Variants in CHD6 observed in about 807,000 individuals in gnomAD.
CHD6 encodes the protein ATP-dependent chromatin remodeler CHD6.
Under a neutral mutation model 276.9 loss-of-function variants are expected in CHD6, and 50 were observed. The ratio of observed to expected loss-of-function variants is 0.18; its 90% CI spans 0.14 to 0.23. The LOEUF is 0.23. Ranked by LOEUF, CHD6 falls within the 10% of genes least tolerant of loss-of-function variation. The pLI, the probability that CHD6 is intolerant of heterozygous loss-of-function variation, is 1.00. For missense variants in CHD6, 2,564 were observed against 3,365.8 expected (o/e 0.76, Z 5.89); for synonymous variants, 1,173 against 1,229.3 (o/e 0.95, Z 0.96).
At chr20:41,463,539 T>C (rs1344625667) in intron 17 of CHD6, among the ~76,000 whole-genome samples, 1 of 152,218 alleles carries the variant, frequency 6.6e-6, no homozygotes, top group Non-Finnish European at 1.5e-5. Context: ...TTGAGATGGC[T>C]GTGTCAGTTC....
chr20:41,487,626 G>C (rs745329363), intron 14 of CHD6, 39 bp downstream of exon 14: 69 of 1,566,872 alleles, frequency 4.4e-5, no homozygotes, highest in Non-Finnish European at 5.4e-5. Flanking sequence ...TGAAGATAAC[G>C]ATCACACTGT....
chr20:41,603,656 A>G (rs1426412065), intron 1 of CHD6, among the ~76,000 whole-genome samples: 1 of 152,170 alleles, frequency 6.6e-6, no homozygotes, highest in Non-Finnish European at 1.5e-5. Context: ...GCCTGAGCTC[A>G]GGAGTTGGAG....
Position 41,493,630 on chromosome 20 carries a change from C to T in CHD6, c.1222G>A (p.Glu408Lys). 1 of 1,613,954 alleles carries T rather than the reference C, an allele frequency of 6.2e-7. No homozygotes were observed. The highest frequency in any genetic ancestry group is 8.5e-7 in the Non-Finnish European group (1 of 1,179,904). ...YLVKWCSLPY[E>K]ESTWELEEDV... Reference sequence around the variant, plus strand: ...TCCTCTAGCTCCCACGTGCTTTCTTCATATGGTAGTGAGCACCACTTCACC... The same window carrying T: ...TCCTCTAGCTCCCACGTGCTTTCTTTATATGGTAGTGAGCACCACTTCACC... Residue 408 changes from glutamate (E) to lysine (K), a missense_variant, in exon 10 of 37, where the codon GAA (glutamate) becomes AAA (lysine). Physicochemically the swap from Glu to Lys is moderately conservative, Grantham distance 56. This residue lies in a region of CHD6 where 457 missense variants were observed against 889.0 expected (regional missense o/e 0.51). Coordinates refer to ENST00000373233, the MANE Select transcript of CHD6 (RefSeq NM_032221.5).
Position 41,590,934 on chromosome 20 carries a change from A to G in CHD6, c.-24+27406T>C, listed in dbSNP as rs186370057. Among the ~76,000 whole-genome samples the G allele has an allele frequency of 5.4e-4, 82 of 151,584 alleles. No homozygotes were observed. The East Asian group carries it at 0.013, about 24-fold the overall frequency. On this transcript the variant is annotated intron_variant, in intron 1 of 36. Coordinates refer to ENST00000373233, the MANE Select transcript of CHD6 (RefSeq NM_032221.5). ...ACGTATGTTTACTGCAGCACTATTC[A>G]CAATAGCAAAGATTTGGAACCAACC...
At chr20:41,583,725 T>C (rs1013388477) in intron 1 of CHD6, among the ~76,000 whole-genome samples, 2 of 152,122 alleles carry the variant, frequency 1.3e-5, no homozygotes, top group Non-Finnish European at 2.9e-5. Context: ...AAAAGTAAGA[T>C]GTATGACAAT....
At chr20:41,413,259 T>A in intron 35 of CHD6, 65 bp downstream of exon 35, 4 of 1,361,254 alleles carry the variant, frequency 2.9e-6, no homozygotes, top group Non-Finnish European at 3.9e-6. Flanking sequence ...CATGCTTTCA[T>A]CAAAAATAGC....
At chr20:41,521,391 TGAACGTATTG>T (rs2044390532) in intron 3 of CHD6, among the ~76,000 whole-genome samples, 2 of 151,932 alleles carry the variant, frequency 1.3e-5, no homozygotes. Flanking sequence ...AGCAAACGAG[TGAACGTATTG>T]ATGTTGGGAA....
chr20:41,470,554 C>T (rs2043030381), intron 17 of CHD6, among the ~76,000 whole-genome samples: 1 of 152,308 alleles, frequency 6.6e-6, no homozygotes, highest in East Asian at 1.9e-4. Context: ...TAGTAAAGTT[C>T]ACACTATCCA....
intron 27 of CHD6, among the ~76,000 whole-genome samples, chr20:41,431,225 T>G (rs1182316861): frequency 2.0e-5 from 3 of 152,208 alleles, no homozygotes; most frequent in African/African-American, 4.8e-5. Context: ...AATCCACTGC[T>G]TCTCAAACCT....
intron 14 of CHD6, chr20:41,485,900 T>C (rs1183715419): frequency 6.6e-6 from 1 of 152,136 alleles, no homozygotes; most frequent in Non-Finnish European, 1.5e-5. Flanking sequence ...CATGTATACA[T>C]ATTTCAAAAC....
chr20:41,606,665 A>G (rs1601191440), intron 1 of CHD6, among the ~76,000 whole-genome samples: 1 of 129,840 alleles, frequency 7.7e-6, no homozygotes, highest in African/African-American at 3.4e-5. Context: ...ACAGAGCAAG[A>G]CTCCATCTCA....
intron 1 of CHD6, among the ~76,000 whole-genome samples, chr20:41,583,569 G>A (rs1339145165): frequency 2.0e-5 from 3 of 152,096 alleles, no homozygotes; most frequent in Non-Finnish European, 2.9e-5. Context: ...ACAAAAATGA[G>A]GACCTACATG....
Position 41,420,980 on chromosome 20 carries a change from C to T in CHD6, c.5655G>A (p.Gly1885=), listed in dbSNP as rs61756308. 844 of 1,614,180 alleles carry T rather than the reference C, an allele frequency of 5.2e-4. 2 individuals are homozygous for T. Among genetic ancestry groups the T allele is most frequent in the Non-Finnish European group, 6.8e-4 (799 of 1,180,024 alleles). ...TGAGATGCAATACCTCTGGCCTTTC[C>T]CCCATGCCTACTGCCATGGCTAAGT... The part of the protein sequence containing the change: ...EENLAMAVGM[G]ERPEVLHLTE... Residue 1885 remains glycine (G), a synonymous_variant, in exon 31 of 37, where the codon GGG becomes GGA. Coordinates refer to ENST00000373233, the MANE Select transcript of CHD6 (RefSeq NM_032221.5).
intron 1 of CHD6, among the ~76,000 whole-genome samples, chr20:41,565,591 T>C (rs1198886502): frequency 6.6e-6 from 1 of 152,228 alleles, no homozygotes; most frequent in African/African-American, 2.4e-5. Context: ...TATCTTAAGA[T>C]AATGAAACTT....
In CHD6 at chr20:41,454,689, A is replaced by G. The variant is rs1335109808; in HGVS notation, c.3057T>C (p.Asp1019=). ...SGNRTDISLD[D]PNFWQKWAKI... ...TAGCCCATTTCTGCCAAAAGTTAGG[A>G]TCATCTAAGGAAATATCTGTTCTGT... is the stretch of plus-strand genomic sequence containing the variant. The change falls in exon 20 of 37, where the codon GAT becomes GAC. Residue 1019 remains aspartate (D), a synonymous_variant. Coordinates refer to ENST00000373233, the MANE Select transcript of CHD6 (RefSeq NM_032221.5). 6.2e-7 allele frequency: 1 copy of G among 1,613,926 alleles called. No individual in the cohort carries two copies. Among genetic ancestry groups the G allele is most frequent in the Non-Finnish European group, 8.5e-7 (1 of 1,179,922 alleles).
chr20:41,490,410 T>C (rs576912733), intron 11 of CHD6, among the ~76,000 whole-genome samples: 2 of 152,358 alleles, frequency 1.3e-5, no homozygotes, highest in East Asian at 1.9e-4. Context: ...CAGCATGTCA[T>C]TGCAGTGAAT....
At chr20:41,497,297 A>G (rs2043711315) in intron 8 of CHD6, 87 bp downstream of exon 8, 2 of 872,708 alleles carry the variant, frequency 2.3e-6, no homozygotes, top group Middle Eastern at 2.2e-4. Context: ...TCTGTATAGG[A>G]ATTTAACTTG....
intron 3 of CHD6, among the ~76,000 whole-genome samples, chr20:41,527,617 G>A (rs1601089507): frequency 6.6e-6 from 1 of 152,262 alleles, no homozygotes; most frequent in East Asian, 1.9e-4. Flanking sequence ...TTAATGCCAC[G>A]AAGCTGACTT....
intron 2 of CHD6, among the ~76,000 whole-genome samples, chr20:41,546,904 A>G (rs1423089511): frequency 6.6e-6 from 1 of 152,196 alleles, no homozygotes; most frequent in Admixed American, 6.5e-5. Context: ...TAAACCCTTT[A>G]TTCTGGGCAC....
Sources: allele counts gnomAD v4.1 joint callset (sites outside exome capture counted in the v4.1 genomes callset), GRCh38; gene constraint gnomAD v4.1.1; regional missense constraint gnomAD v4.1.1; transcripts MANE v1.5; gene names NCBI Gene and HGNC (gene_info 2026-07-23, HGNC 2026-07-21).